C2orf80: variants seen among roughly 807,000 people sequenced by gnomAD.
C2orf80 encodes uncharacterized protein C2orf80.
Under a neutral mutation model 30.2 loss-of-function variants are expected in C2orf80, and 28 were observed. The observed-to-expected ratio is 0.93, with a 90% CI of 0.69 to 1.27. The LOEUF is 1.27. Ranked by LOEUF, C2orf80 falls within the 50% of genes most tolerant of loss-of-function variation. The pLI, the probability that C2orf80 is intolerant of heterozygous loss-of-function variation, is 0.00. For missense variants in C2orf80, 220 were observed against 231.0 expected, an observed-to-expected ratio of 0.95 and a Z score of 0.31; for synonymous variants, 80 against 76.4, an observed-to-expected ratio of 1.05 and a Z score of -0.24.
chr2:208,178,900 G>A (rs1696458173), intron 6 of C2orf80, among the ~76,000 whole-genome samples: 3 of 152,090 alleles, frequency 2.0e-5, no homozygotes, highest in Admixed American at 2.0e-4. Context: ...TGGGATTACA[G>A]GCGACCGCCA....
At chr2:208,169,197 G>C (rs114292062) in intron 8 of C2orf80, among the ~76,000 whole-genome samples, 2 of 148,662 alleles carry the variant, frequency 1.3e-5, no homozygotes, top group South Asian at 4.3e-4. Flanking sequence ...GATGAGGCTT[G>C]CGGGGGGTGT....
Position 208,182,838 on chromosome 2 carries a change from G to A in C2orf80, c.206+127C>T, listed in dbSNP as rs921684635. ...TTCCTCAGGTGTCTCGTTGAAGAGG[G>A]ATATTCACCCAGTAGTGTTTTCAAA... On this transcript the variant is annotated intron_variant, in intron 4 of 8. Coordinates refer to ENST00000341287, the MANE Select transcript of C2orf80 (RefSeq NM_001099334.3). 4.4e-5 allele frequency: 34 copies of A among 780,158 alleles called. No homozygotes were observed. In the East Asian group the frequency reaches 8.3e-4, roughly 19 times the overall value. The allele number at this position is 780,158 out of a possible 1,614,324, so 48.3% of individuals were successfully genotyped here.
In C2orf80 at chr2:208,176,914, C is replaced by CAG. The variant is rs1385407972; in HGVS notation, c.366+3830_366+3831insCT. 6.8e-4 allele frequency among the ~76,000 whole-genome samples: 94 copies of CAG among 137,370 alleles called. 7 individuals are homozygous for CAG. The highest frequency in any genetic ancestry group is 1.1e-3 in the Non-Finnish European group (68 of 62,152). 90.1% of individuals were successfully genotyped at this position (137,370 alleles called of 152,430 possible). A position where few individuals can be genotyped will look rare whatever the true frequency, so the allele number is the denominator to read the frequency against. On this transcript the variant is annotated intron_variant, in intron 6 of 8. Coordinates refer to ENST00000341287, the MANE Select transcript of C2orf80 (RefSeq NM_001099334.3). ...GTATATATATACATATCTGTGTATA[C>CAG]ATATCTGTATACATATGTATACATA...
At chr2:208,176,141 T>G (rs576988902) in intron 6 of C2orf80, among the ~76,000 whole-genome samples, 42 of 152,356 alleles carry the variant, frequency 2.8e-4, no homozygotes, top group African/African-American at 7.5e-4. Context: ...CAATCTCATG[T>G]GATTTTGCCT....
intron 6 of C2orf80, among the ~76,000 whole-genome samples, chr2:208,178,924 A>T (rs1230345780): frequency 1.3e-5 from 2 of 151,710 alleles, no homozygotes; most frequent in East Asian, 3.9e-4. Flanking sequence ...CACCTGGCAA[A>T]TTTTTTGTAT....
intron 8 of C2orf80, among the ~76,000 whole-genome samples, chr2:208,166,355 T>C (rs1695886430): frequency 6.6e-6 from 1 of 152,208 alleles, no homozygotes; most frequent in African/African-American, 2.4e-5. Flanking sequence ...CGTGACTGTA[T>C]AAAAGGAATA....
intron 6 of C2orf80, among the ~76,000 whole-genome samples, chr2:208,177,865 G>A (rs1198480384): frequency 6.6e-6 from 1 of 150,644 alleles, no homozygotes; most frequent in Non-Finnish European, 1.5e-5. Context: ...TTGCTCTGTT[G>A]CTCAGGCTGG....
At chr2:208,181,862 T>C (rs368606385) in intron 4 of C2orf80, among the ~76,000 whole-genome samples, 20 of 152,162 alleles carry the variant, frequency 1.3e-4, no homozygotes, top group African/African-American at 4.8e-4. Flanking sequence ...CTAGGAATGG[T>C]GTTCACCCTG....
At position 208,180,743 on chromosome 2, in the gene C2orf80, A is replaced by G. The variant is rs1200747918; in HGVS notation, c.366+2T>C. 6.2e-7 allele frequency: 1 copy of G among 1,612,652 alleles called. No homozygotes were observed. Among genetic ancestry groups the G allele is most frequent in the Non-Finnish European group, 8.5e-7 (1 of 1,178,864 alleles). ...CTATTGACAATCCCAGGTCACCCTT[A>G]CCTTGATGGTACCAGAATCGGCAGA... On this transcript the variant is annotated splice_donor_variant, in intron 6 of 8. Coordinates refer to ENST00000341287, the MANE Select transcript of C2orf80 (RefSeq NM_001099334.3). LOFTEE classifies it high-confidence loss of function.
intron 3 of C2orf80, among the ~76,000 whole-genome samples, chr2:208,184,509 TG>T (rs1411407857): frequency 2.6e-5 from 4 of 152,216 alleles, no homozygotes; most frequent in Admixed American, 6.5e-5. Flanking sequence ...CCTCAATTTC[TG>T]TGACGTGAAC....
intron 8 of C2orf80, among the ~76,000 whole-genome samples, chr2:208,168,770 C>G (rs1695993241): frequency 6.7e-6 from 1 of 149,722 alleles, no homozygotes; most frequent in Admixed American, 6.7e-5. Flanking sequence ...TAAGAAAGGG[C>G]TTTTCTGGAA....
At chr2:208,182,892 G>T in intron 4 of C2orf80, 73 bp downstream of exon 4, 1 of 1,206,514 alleles carries the variant, frequency 8.3e-7, no homozygotes, top group South Asian at 1.2e-5. Flanking sequence ...GAAGATGTTA[G>T]GGCTGGAACT....
intron 8 of C2orf80, among the ~76,000 whole-genome samples, chr2:208,166,703 T>C (rs1695904742): frequency 6.6e-6 from 1 of 151,764 alleles, no homozygotes; most frequent in Non-Finnish European, 1.5e-5. Context: ...CAGGCTGGAG[T>C]GCATGCAGTG....
chr2:208,176,916 T>TATATGTATACATATGTATACAG (rs1696329890), intron 6 of C2orf80, among the ~76,000 whole-genome samples: 1 of 85,560 alleles, frequency 1.2e-5, no homozygotes, highest in Non-Finnish European at 2.8e-5. Flanking sequence ...TGTGTATACA[T>TATATGTATACATATGTATACAG]ATCTGTATAC....
rs112566754 is a variant in C2orf80 at position 208,179,551 on chromosome 2, T to C, written c.366+1194A>G. Among the ~76,000 whole-genome samples the C allele has an allele frequency of 7.1e-3, 1,077 of 152,286 alleles. 8 individuals carry two copies. The highest frequency in any genetic ancestry group is 0.014 in the Middle Eastern group (4 of 294). ...CTGCATGGCCCTCGCCACCTCACCTTCCCTTTCCTCTTGCCTCTTCTGGAG... is the reference window on the plus strand; with the variant it reads ...CTGCATGGCCCTCGCCACCTCACCTCCCCTTTCCTCTTGCCTCTTCTGGAG... On this transcript the variant is annotated intron_variant, in intron 6 of 8. Coordinates refer to ENST00000341287, the MANE Select transcript of C2orf80 (RefSeq NM_001099334.3).
intron 1 of C2orf80, among the ~76,000 whole-genome samples, chr2:208,189,502 T>C (rs559904088): frequency 6.6e-6 from 1 of 152,354 alleles, no homozygotes; most frequent in Admixed American, 6.5e-5. Context: ...TTTTTTCATT[T>C]CTTCCTCTGT....
chr2:208,188,267 G>T (rs80351950), intron 1 of C2orf80, among the ~76,000 whole-genome samples: 2 of 151,974 alleles, frequency 1.3e-5, no homozygotes, highest in South Asian at 4.1e-4. Flanking sequence ...AAAATTGTAC[G>T]TATATTTAAA....
chr2:208,184,580 A>G (rs1288226170), intron 3 of C2orf80, among the ~76,000 whole-genome samples: 1 of 152,192 alleles, frequency 6.6e-6, no homozygotes, highest in Non-Finnish European at 1.5e-5. Flanking sequence ...AGGGTTACTT[A>G]ATTTATTTGG....
In C2orf80 at chr2:208,177,007, A is replaced by ATG. The variant is rs1209755563; in HGVS notation, c.366+3737_366+3738insCA. ...AATGTATATGTATACATATATACAT[A>ATG]TATACAGATACATATATACAGATAT... is the stretch of plus-strand genomic sequence containing the variant. On this transcript the variant is annotated intron_variant, in intron 6 of 8. Transcript: ENST00000341287. Among the ~76,000 whole-genome samples, 116 of 56,700 alleles carry ATG rather than the reference A, an allele frequency of 2.0e-3. 1 individual carries two copies. The highest frequency in any genetic ancestry group is 3.6e-3 in the South Asian group (4 of 1,126). 37.2% of individuals were successfully genotyped at this position (56,700 alleles called of 152,430 possible).
Sources: allele counts gnomAD v4.1 joint callset (sites outside exome capture counted in the v4.1 genomes callset), GRCh38; gene constraint gnomAD v4.1.1; transcripts MANE v1.5; gene names NCBI Gene and HGNC (gene_info 2026-07-23, HGNC 2026-07-21).